CAMK2A: variants seen among roughly 807,000 people sequenced by gnomAD.
The protein encoded by CAMK2A is calcium/calmodulin-dependent protein kinase type II subunit alpha.
CAMK2A carries 7 observed loss-of-function variants against 79.2 expected under a neutral mutation model. The observed-to-expected ratio is 0.09, with a 90% CI of 0.05 to 0.17. The LOEUF (loss-of-function observed/expected upper bound fraction) is 0.17. Among genes scored for constraint, CAMK2A ranks in the 10% least tolerant of loss-of-function variants. CAMK2A has a pLI of 1.00. For missense variants in CAMK2A, 214 were observed against 646.4 expected, an observed-to-expected ratio of 0.33 and a Z score of 7.25; for synonymous variants, 242 against 251.7, an observed-to-expected ratio of 0.96 and a Z score of 0.36.
chr5:150,231,407 TAA>T (rs771287361), intron 15 of CAMK2A, 27 bp from the exon 16 acceptor site: 1,197 of 22,970 alleles, frequency 0.052, 23 homozygotes, highest in African/African-American at 0.38. Context: ...GACACAGAAA[TAA>T]TAATAATAAT....
intron 12 of CAMK2A, among the ~76,000 whole-genome samples, chr5:150,246,504 T>C (rs1755573104): frequency 6.6e-6 from 1 of 152,148 alleles, no homozygotes; most frequent in South Asian, 2.1e-4. Flanking sequence ...TTTTTAAGTG[T>C]TAGAAACTCA....
At chr5:150,227,432 G>A (rs751524680) in intron 17 of CAMK2A, among the ~76,000 whole-genome samples, 6 of 152,002 alleles carry the variant, frequency 3.9e-5, no homozygotes, top group African/African-American at 9.7e-5. Flanking sequence ...AGTGGTACAC[G>A]CCCTTGATTT....
chr5:150,245,119 G>A (rs1464996508), intron 13 of CAMK2A, 42 bp downstream of exon 13: 14 of 1,598,238 alleles, frequency 8.8e-6, no homozygotes, highest in East Asian at 2.2e-5. Context: ...TGGCAGAAAC[G>A]CTGCCAGAGC....
intron 2 of CAMK2A, among the ~76,000 whole-genome samples, chr5:150,271,801 T>A (rs1218894002): frequency 6.6e-6 from 1 of 152,174 alleles, no homozygotes; most frequent in African/African-American, 2.4e-5. Flanking sequence ...AAGAAGCGCA[T>A]CTCCTGGGCA....
At position 150,222,431 on chromosome 5, in the gene CAMK2A, G is replaced by A; in HGVS notation, c.*279C>T. The A allele has an allele frequency of 1.5e-6, 1 of 688,144 alleles. No homozygotes were observed. Among genetic ancestry groups the A allele is most frequent in the Non-Finnish European group, 2.7e-6 (1 of 377,016 alleles). 42.6% of individuals were successfully genotyped at this position (688,144 alleles called of 1,614,324 possible). A position where few individuals can be genotyped will look rare whatever the true frequency, so the allele number is the denominator to read the frequency against. ...CAGGCGGACAGCAGCTGAGGCTGGG[G>A]AGAGGGGGCCAGTGCTGTGGACACC... On this transcript the variant is annotated 3_prime_UTR_variant, in exon 19 of 19. Coordinates refer to ENST00000671881, the MANE Select transcript of CAMK2A (RefSeq NM_015981.4).
At chr5:150,226,746 G>GGC (rs1277387777) in intron 17 of CAMK2A, among the ~76,000 whole-genome samples, 29 of 86,976 alleles carry the variant, frequency 3.3e-4, no homozygotes, top group Non-Finnish European at 6.0e-4. Context: ...AAAAAAAAAG[G>GGC]GGGGGGGGGG....
chr5:150,272,701 T>C (rs1023908046), intron 2 of CAMK2A, among the ~76,000 whole-genome samples: 3 of 151,160 alleles, frequency 2.0e-5, no homozygotes, highest in African/African-American at 7.3e-5. Flanking sequence ...CAGCCATTCA[T>C]GAAAGGAGCC....
chr5:150,221,561 TC>T lies in CAMK2A; in HGVS notation c.*1148del, dbSNP rs1305040834. The T allele has an allele frequency of 7.5e-6, 3 of 398,458 alleles. No homozygotes were observed. The highest frequency in any genetic ancestry group is 6.2e-5 in the African/African-American group (3 of 48,576). 24.7% of individuals were successfully genotyped at this position (398,458 alleles called of 1,614,324 possible). ...TCCAGGTATTTCCATCCTGACAGCC[TC>T]CCTCCTCCTCTCTGCCCTGACTTGC... On this transcript the variant is annotated 3_prime_UTR_variant, in exon 19 of 19. Transcript: ENST00000671881.
chr5:150,243,675 C>T (rs1405032184), intron 13 of CAMK2A, among the ~76,000 whole-genome samples: 2 of 152,224 alleles, frequency 1.3e-5, no homozygotes, highest in Non-Finnish European at 2.9e-5. Flanking sequence ...TAGTGCCTAG[C>T]ATCTCATGAG....
intron 15 of CAMK2A, among the ~76,000 whole-genome samples, chr5:150,237,778 C>T (rs534142130): frequency 1.3e-5 from 2 of 152,332 alleles, no homozygotes; most frequent in South Asian, 2.1e-4. Context: ...GTGCTGAGAC[C>T]GGGGCTAGCA....
intron 15 of CAMK2A, among the ~76,000 whole-genome samples, chr5:150,235,771 G>C (rs991900659): frequency 2.0e-5 from 3 of 152,130 alleles, no homozygotes; most frequent in Non-Finnish European, 4.4e-5. Context: ...TTAATGTCAG[G>C]TCAGAGTCCA....
chr5:150,275,420 G>A (rs1756907962), intron 1 of CAMK2A, among the ~76,000 whole-genome samples: 1 of 152,072 alleles, frequency 6.6e-6, no homozygotes, highest in African/African-American at 2.4e-5. Context: ...ACACCAGTTG[G>A]GTATCCTATA....
chr5:150,228,856 G>C (rs1178440652), intron 16 of CAMK2A, among the ~76,000 whole-genome samples: 1 of 152,220 alleles, frequency 6.6e-6, no homozygotes, highest in Admixed American at 6.5e-5. Flanking sequence ...TTCCTCTTCT[G>C]TAAGATGAGA....
rs530134149 is a variant in CAMK2A at position 150,220,547 on chromosome 5, G to A, written c.*2163C>T. 7 of 152,316 alleles carry A rather than the reference G, an allele frequency of 4.6e-5. No homozygotes were observed. Among genetic ancestry groups the A allele is most frequent in the African/African-American group, 1.4e-4 (6 of 41,444 alleles). The allele number at this position is 152,316 out of a possible 1,614,324, so 9.4% of individuals were successfully genotyped here. ...CTGAAGAAGAGCTCAGACCTTGCTC[G>A]GTAATTACAGCAGCCCCTGGTGAAG... On this transcript the variant is annotated 3_prime_UTR_variant, in exon 19 of 19. Transcript: ENST00000671881.
In CAMK2A at chr5:150,219,628, TAAAAAAGAAAAGA is replaced by T. The variant is rs1201212242; in HGVS notation, c.*3069_*3081del. ...ATTCAAGTTCACAGCCACATATTTTTAAAAAAGAAAAGAAAAAAAAAAAGAACTAAAACAAAAC... is the reference window on the plus strand; with the variant it reads ...ATTCAAGTTCACAGCCACATATTTTTAAAAAAAAAAGAACTAAAACAAAAC... On this transcript the variant is annotated 3_prime_UTR_variant, in exon 19 of 19. Coordinates refer to ENST00000671881, the MANE Select transcript of CAMK2A (RefSeq NM_015981.4). 3.3e-5 allele frequency: 1 copy of T among 30,182 alleles called. No individual in the cohort carries two copies. Among genetic ancestry groups the T allele is most frequent in the East Asian group, 5.1e-4 (1 of 1,980 alleles). 1.9% of individuals were successfully genotyped at this position (30,182 alleles called of 1,614,324 possible). A position where few individuals can be genotyped will look rare whatever the true frequency, so the allele number is the denominator to read the frequency against.
intron 2 of CAMK2A, among the ~76,000 whole-genome samples, chr5:150,272,680 A>C (rs145497570): frequency 7.1e-4 from 108 of 152,104 alleles, no homozygotes; most frequent in African/African-American, 2.4e-3. Flanking sequence ...TGAGACCTGA[A>C]GGCTGAGAAA....
chr5:150,256,869 C>A lies in CAMK2A; in HGVS notation c.273-38G>T. On this transcript the variant is annotated intron_variant, in intron 4 of 18. Coordinates refer to ENST00000671881, the MANE Select transcript of CAMK2A (RefSeq NM_015981.4). This position sits in a 1 kb window ranked among gnomAD's most constrained non-coding sequence, Gnocchi z 4.6. ...GCATGGAATCACCCTCTAATAGAGG[C>A]GACAGGTGCTGCCTCATCTGGAGGA... 1 of 1,561,266 alleles carries A rather than the reference C, an allele frequency of 6.4e-7. No homozygotes were observed.
At chr5:150,257,695 G>T in intron 3 of CAMK2A, 78 bp from the exon 4 acceptor site, 1 of 1,171,190 alleles carries the variant, frequency 8.5e-7, no homozygotes, top group Non-Finnish European at 1.2e-6. Context: ...CCCCTCCCGT[G>T]TATATCCAAC....
chr5:150,250,921 C>A (rs1755804143), intron 9 of CAMK2A, 111 bp from the exon 10 acceptor site: 1 of 1,232,854 alleles, frequency 8.1e-7, no homozygotes, highest in South Asian at 1.4e-5. Context: ...CCCATCCACT[C>A]GGACATCCAC....
Sources: allele counts gnomAD v4.1 joint callset (sites outside exome capture counted in the v4.1 genomes callset), GRCh38; gene constraint gnomAD v4.1.1; non-coding constraint Gnocchi (gnomAD v3.1); transcripts MANE v1.5; gene names NCBI Gene and HGNC (gene_info 2026-07-23, HGNC 2026-07-21).